DNAH10: variants seen among roughly 807,000 people sequenced by gnomAD.
The protein encoded by DNAH10 is dynein axonemal heavy chain 10.
DNAH10 carries 348 observed loss-of-function variants against 506.6 expected under a neutral mutation model. The observed-to-expected ratio is 0.69, with a 90% confidence interval of 0.63 to 0.75. The LOEUF is 0.75. Ranked by LOEUF, DNAH10 falls within the 30% of genes least tolerant of loss-of-function variation. The probability of loss-of-function intolerance (pLI) is 0.00; values close to 1 mark genes in which losing one functional copy is unlikely to be tolerated. For missense variants in DNAH10, 5,179 were observed against 5,787.1 expected, an observed-to-expected ratio of 0.89 and a Z score of 3.41; for synonymous variants, 2,059 against 2,198.6, an observed-to-expected ratio of 0.94 and a Z score of 1.78.
chr12:123,851,206 G>C, intron 35 of DNAH10, 130 bp downstream of exon 35: 1 of 978,022 alleles, frequency 1.0e-6, no homozygotes, highest in Non-Finnish European at 1.4e-6. Flanking sequence ...TCAGCTCCAT[G>C]TGGCTCTTCC....
intron 24 of DNAH10, among the ~76,000 whole-genome samples, chr12:123,825,409 A>G (rs1959870435): frequency 6.6e-6 from 1 of 152,196 alleles, no homozygotes; most frequent in Non-Finnish European, 1.5e-5. Context: ...GAATGGATAA[A>G]TAAGCTGTGG....
intron 57 of DNAH10, among the ~76,000 whole-genome samples, chr12:123,907,000 AGTAGTCAGTGG>A (rs1336514585): frequency 6.6e-6 from 1 of 152,214 alleles, no homozygotes; most frequent in East Asian, 1.9e-4. Context: ...TCATTCATTC[AGTAGTCAGTGG>A]GTGTCTGTCC....
intron 78 of DNAH10, 129 bp from the exon 79 acceptor site, chr12:123,935,206 G>C (rs1409128780): frequency 1.7e-6 from 2 of 1,143,292 alleles, no homozygotes; most frequent in Non-Finnish European, 2.5e-6. Flanking sequence ...AGCAGCCCCA[G>C]CCTTGTGCGT....
At chr12:123,828,876 G>A (rs976922598) in intron 25 of DNAH10, among the ~76,000 whole-genome samples, 1 of 152,114 alleles carries the variant, frequency 6.6e-6, no homozygotes, top group Admixed American at 6.6e-5. Flanking sequence ...CTTTCCCTTC[G>A]ATGTAATTTA....
chr12:123,776,167 G>A (rs909603312), intron 5 of DNAH10, among the ~76,000 whole-genome samples: 4 of 152,034 alleles, frequency 2.6e-5, no homozygotes, highest in South Asian at 2.1e-4. Context: ...GTGGGGACAC[G>A]GCCAAACCAC....
Position 123,785,743 on chromosome 12 carries a change from C to A in DNAH10, c.1231-3C>A. 1 of 1,591,588 alleles carries A rather than the reference C, an allele frequency of 6.3e-7. No individual in the cohort carries two copies. Among genetic ancestry groups the A allele is most frequent in the South Asian group, 1.1e-5 (1 of 88,878 alleles). On this transcript the variant is annotated splice_polypyrimidine_tract_variant and splice_region_variant and intron_variant, in intron 8 of 78. Transcript: ENST00000673944. The surrounding 1 kb of genome is among the most constrained non-coding windows in gnomAD (Gnocchi z 4.1). Reference sequence around the variant, plus strand: ...TTGCGTGGCTCTCTCCTCTCTTGGTCAGAACATAACGCACGGGTCTGGCTT... The same window carrying A: ...TTGCGTGGCTCTCTCCTCTCTTGGTAAGAACATAACGCACGGGTCTGGCTT...
chr12:123,922,236 G>C (rs1215426271), intron 65 of DNAH10, among the ~76,000 whole-genome samples: 1 of 151,506 alleles, frequency 6.6e-6, no homozygotes. Flanking sequence ...AGCTGGGCGT[G>C]TTGGCAGGCA....
chr12:123,847,717 T>C (rs542803555), intron 32 of DNAH10, among the ~76,000 whole-genome samples: 1 of 152,284 alleles, frequency 6.6e-6, no homozygotes, highest in East Asian at 1.9e-4. Context: ...CCCACCCACT[T>C]TGGGGAGGGT....
chr12:123,765,783 A>G (rs548691966), intron 1 of DNAH10, among the ~76,000 whole-genome samples: 1 of 150,532 alleles, frequency 6.6e-6, no homozygotes, highest in East Asian at 2.0e-4. Flanking sequence ...ACATCTATCT[A>G]TCTCTGTCTA....
At position 123,777,863 on chromosome 12, in the gene DNAH10, A is replaced by G. The variant is rs542331523; in HGVS notation, c.622-3217A>G. On this transcript the variant is annotated intron_variant, in intron 5 of 78. Coordinates refer to ENST00000673944, the MANE Select transcript of DNAH10 (RefSeq NM_001372106.1). ...TTTTTTTTAAAGACGGTGTCTCAGT[A>G]TGTTGCCAAGGCTGGTCTCAAACTC... Among the ~76,000 whole-genome samples the G allele has an allele frequency of 7.2e-5, 11 of 151,896 alleles. No individual in the cohort carries two copies. In the East Asian group the frequency reaches 2.1e-3, roughly 30 times the overall value.
At chr12:123,791,681 A>G (rs982353945) in intron 11 of DNAH10, among the ~76,000 whole-genome samples, 1 of 151,940 alleles carries the variant, frequency 6.6e-6, no homozygotes, top group African/African-American at 2.4e-5. Flanking sequence ...GGCTCAAGTG[A>G]TCCTTCCGCC....
intron 43 of DNAH10, among the ~76,000 whole-genome samples, chr12:123,868,699 A>C (rs1473021304): frequency 2.0e-5 from 3 of 152,206 alleles, no homozygotes; most frequent in Non-Finnish European, 2.9e-5. Context: ...TCCATCTCTT[A>C]TTGCTATTCG....
intron 43 of DNAH10, 76 bp downstream of exon 43, chr12:123,868,195 T>C: frequency 6.3e-6 from 8 of 1,278,130 alleles, no homozygotes; most frequent in Non-Finnish European, 8.7e-6. Context: ...AATGAGCTTT[T>C]CCATATTTCT....
chr12:123,878,367 CTA>C (rs1430907729), intron 48 of DNAH10, among the ~76,000 whole-genome samples: 2 of 152,152 alleles, frequency 1.3e-5, no homozygotes, highest in African/African-American at 4.8e-5. Context: ...CTACTTTAGT[CTA>C]TGTGGATTTG....
rs769705324 is a variant in DNAH10, at chr12:123,893,469, C to G, written c.9199+33C>G. The G allele has an allele frequency of 4.3e-6, 7 of 1,610,526 alleles. No homozygotes were observed. In the African/African-American group the frequency reaches 9.4e-5, roughly 22 times the overall value. On this transcript the variant is annotated intron_variant, in intron 53 of 78. Coordinates refer to ENST00000673944, the MANE Select transcript of DNAH10 (RefSeq NM_001372106.1). ...CGGTGGAGCCTGTGAACCCATTTCC[C>G]CTGCTTTGGCAGAGTGTGTGGCTGA...
intron 37 of DNAH10, among the ~76,000 whole-genome samples, chr12:123,857,918 A>T (rs1951461961): frequency 1.3e-5 from 2 of 152,078 alleles, no homozygotes. Flanking sequence ...GTCTCTACAA[A>T]TTTGACTACT....
rs1951026124 is a variant in DNAH10 at position 123,848,041 on chromosome 12, A to G, written c.5895A>G (p.Lys1965=). 3 of 1,613,892 alleles carry G rather than the reference A, an allele frequency of 1.9e-6. No individual in the cohort carries two copies. The highest frequency in any genetic ancestry group is 2.5e-6 in the Non-Finnish European group (3 of 1,179,890). ...GKTETTKDLA[K]ALGLLCVVTN... Reference sequence around the variant, plus strand: ...CCGAGACCACCAAGGACCTGGCGAAAGCCTTGGGCTTGCTCTGTGTTGTCA... The same window carrying G: ...CCGAGACCACCAAGGACCTGGCGAAGGCCTTGGGCTTGCTCTGTGTTGTCA... Residue 1965 remains lysine (K), a synonymous_variant, in exon 33 of 79, where the codon AAA becomes AAG. Coordinates refer to ENST00000673944, the MANE Select transcript of DNAH10 (RefSeq NM_001372106.1).
In DNAH10 at chr12:123,865,303, C is replaced by T. The variant is rs114965227; in HGVS notation, c.7044+573C>T. The stretch of plus-strand genomic sequence containing the variant: ...CTTTCTATCATATCAAGTATTCTGT[C>T]GAGCCCCTTTATTTCCTGGAGGCTA... On this transcript the variant is annotated intron_variant, in intron 40 of 78. Coordinates refer to ENST00000673944, the MANE Select transcript of DNAH10 (RefSeq NM_001372106.1). 6.0e-3 allele frequency among the ~76,000 whole-genome samples: 910 copies of T among 151,272 alleles called. 10 individuals are homozygous for T. Among genetic ancestry groups the T allele is most frequent in the African/African-American group, 0.019 (801 of 41,174 alleles).
At chr12:123,898,902 C>T (rs533409480) in intron 56 of DNAH10, 88 bp downstream of exon 56, 29 of 1,464,874 alleles carry the variant, frequency 2.0e-5, no homozygotes, top group South Asian at 4.3e-5. Flanking sequence ...CAGCCCATCC[C>T]GAGCAGGACA....
Sources: allele counts gnomAD v4.1 joint callset (sites outside exome capture counted in the v4.1 genomes callset), GRCh38; gene constraint gnomAD v4.1.1; non-coding constraint Gnocchi (gnomAD v3.1); transcripts MANE v1.5; gene names NCBI Gene and HGNC (gene_info 2026-07-23, HGNC 2026-07-21).